SLC71A2: variants seen among roughly 807,000 people sequenced by gnomAD.
SLC71A2 encodes solute carrier family 71 member 2.
the SLC71A2 span, chr9:94,438,583 T>G: frequency 6.2e-7 from 1 of 1,601,874 alleles, no homozygotes; most frequent in East Asian, 2.2e-5. Context: ...ACATGTAAAT[T>G]ATACTTATAT....
chr9:94,459,472 C>G, the SLC71A2 span: 1 of 1,584,546 alleles, frequency 6.3e-7, no homozygotes, highest in Non-Finnish European at 8.6e-7. Flanking sequence ...GGGAGCCACA[C>G]CCCTGGTGAC....
the SLC71A2 span, among the ~76,000 whole-genome samples, chr9:94,439,643 T>C: frequency 1.3e-5 from 2 of 152,114 alleles, no homozygotes; most frequent in South Asian, 2.1e-4. Context: ...TGGGTACTTA[T>C]AATCATTTTA....
the SLC71A2 span, chr9:94,453,841 C>T: frequency 4.3e-6 from 3 of 697,398 alleles, no homozygotes; most frequent in East Asian, 7.7e-5. Context: ...GGTTGCAGGT[C>T]AGGCAGTGTG....
At chr9:94,420,610 T>A in the SLC71A2 span, among the ~76,000 whole-genome samples, 6 of 151,318 alleles carry the variant, frequency 4.0e-5, no homozygotes, top group East Asian at 1.9e-4. Context: ...TTTTTTTTTT[T>A]AAATTCAAGG....
the SLC71A2 span, among the ~76,000 whole-genome samples, chr9:94,403,173 G>A: frequency 4.6e-5 from 7 of 151,360 alleles, no homozygotes; most frequent in African/African-American, 1.2e-4. Flanking sequence ...TTTCACTCTC[G>A]TTGCCCAGGC....
At chr9:94,454,103 C>A in the SLC71A2 span, 1 of 1,429,918 alleles carries the variant, frequency 7.0e-7, no homozygotes, top group Non-Finnish European at 9.9e-7. Context: ...CGTGAACTGC[C>A]AGACAGATGC....
the SLC71A2 span, among the ~76,000 whole-genome samples, chr9:94,454,738 T>A: frequency 6.6e-6 from 1 of 152,204 alleles, no homozygotes; most frequent in African/African-American, 2.4e-5. Flanking sequence ...TGACTGATTA[T>A]GGCAAGCTTC....
the SLC71A2 span, among the ~76,000 whole-genome samples, chr9:94,421,906 T>C: frequency 6.6e-6 from 1 of 152,004 alleles, no homozygotes; most frequent in Non-Finnish European, 1.5e-5. Flanking sequence ...GTTGTTATAG[T>C]TTCTCTTTTT....
At chr9:94,415,321 G>T in the SLC71A2 span, 1 of 1,093,626 alleles carries the variant, frequency 9.1e-7, no homozygotes, top group African/African-American at 1.5e-5. Context: ...ACGTATCACT[G>T]TGTATGTCTA....
At chr9:94,446,228 T>C in the SLC71A2 span, among the ~76,000 whole-genome samples, 1 of 152,272 alleles carries the variant, frequency 6.6e-6, no homozygotes, top group Non-Finnish European at 1.5e-5. Flanking sequence ...TGTAGCACTT[T>C]CCACTCCTTT....
At chr9:94,429,911 T>TTTA in the SLC71A2 span, among the ~76,000 whole-genome samples, 21 of 148,118 alleles carry the variant, frequency 1.4e-4, no homozygotes, top group African/African-American at 4.9e-4. Flanking sequence ...TTTATTTTAT[T>TTTA]TTTTTTTTTT....
At chr9:94,459,922 G>C in the SLC71A2 span, 1 of 153,748 alleles carries the variant, frequency 6.5e-6, no homozygotes, top group South Asian at 2.0e-4. Context: ...CAGTATCAGG[G>C]ATCTACTGTC....
the SLC71A2 span, among the ~76,000 whole-genome samples, chr9:94,399,835 C>T: frequency 6.9e-6 from 1 of 144,700 alleles, no homozygotes; most frequent in Non-Finnish European, 1.5e-5. Context: ...GATGGAGTTT[C>T]GCTTTTGTTG....
chr9:94,407,497 G>A, the SLC71A2 span, among the ~76,000 whole-genome samples: 16 of 151,686 alleles, frequency 1.1e-4, no homozygotes, highest in South Asian at 1.7e-3. Flanking sequence ...TCTGGCCTCC[G>A]TCACCTGAGT....
At chr9:94,375,154 A>G in the SLC71A2 span, among the ~76,000 whole-genome samples, 2 of 152,036 alleles carry the variant, frequency 1.3e-5, no homozygotes, top group African/African-American at 2.4e-5. Context: ...GGCGCTAGAC[A>G]TGGGACAGTG....
the SLC71A2 span, among the ~76,000 whole-genome samples, chr9:94,401,877 G>A: frequency 6.6e-6 from 1 of 152,316 alleles, no homozygotes; most frequent in East Asian, 1.9e-4. Context: ...AGCCCTGAGG[G>A]CTGCTGGTGC....
chr9:94,446,181 A>G, the SLC71A2 span, among the ~76,000 whole-genome samples: 16 of 152,220 alleles, frequency 1.1e-4, no homozygotes, highest in African/African-American at 3.1e-4. Context: ...TTGCTTATTA[A>G]TTACATAAAA....
chr9:94,400,057 C>T, the SLC71A2 span, among the ~76,000 whole-genome samples: 18 of 152,126 alleles, frequency 1.2e-4, no homozygotes, highest in Admixed American at 5.9e-4. Flanking sequence ...GTGATCCGCC[C>T]GTCTAGGCCT....
chr9:94,456,260 C>T, the SLC71A2 span: 1 of 1,613,958 alleles, frequency 6.2e-7, no homozygotes, highest in Non-Finnish European at 8.5e-7. Context: ...GCAGCAGGGA[C>T]CGTGGCTGCC....
Sources: allele counts gnomAD v4.1 joint callset (sites outside exome capture counted in the v4.1 genomes callset), GRCh38; gene constraint gnomAD v4.1.1; transcripts MANE v1.5; gene names NCBI Gene and HGNC (gene_info 2026-07-23, HGNC 2026-07-21).